Variants in ZNF611 observed in about 807,000 individuals in gnomAD.
ZNF611 encodes zinc finger protein 611.
ZNF611 carries 6 observed loss-of-function variants against 8.9 expected under a neutral mutation model. The observed-to-expected ratio is 0.68, with a 90% CI of 0.37 to 1.34. The LOEUF is 1.34. ZNF611 is among the 40% of genes most tolerant of loss of function. ZNF611 has a pLI of 0.02. For missense variants in ZNF611, 874 were observed against 841.3 expected (o/e 1.04, Z -0.48); for synonymous variants, 262 against 279.7 (o/e 0.94, Z 0.63).
intron 5 of ZNF611, 147 bp downstream of exon 5, chr19:52,713,868 G>C: frequency 1.4e-6 from 2 of 1,478,426 alleles, no homozygotes; most frequent in Non-Finnish European, 1.8e-6. Context: ...TCCAGCCTCG[G>C]CAATAGGAGC....
At chr19:52,731,827 C>A (rs1177643089) in intron 1 of ZNF611, among the ~76,000 whole-genome samples, 3 of 151,948 alleles carry the variant, frequency 2.0e-5, no homozygotes, top group Admixed American at 1.3e-4. Context: ...CAAAATTAGC[C>A]GAGCGTGGTG....
intron 5 of ZNF611, among the ~76,000 whole-genome samples, chr19:52,710,145 G>A (rs1045755511): frequency 1.3e-5 from 2 of 151,570 alleles, no homozygotes; most frequent in Non-Finnish European, 2.9e-5. Flanking sequence ...GCAGTGGCAC[G>A]ATTCTCCTAC....
chr19:52,715,133 G>C (rs1364687041), intron 4 of ZNF611, among the ~76,000 whole-genome samples: 1 of 152,186 alleles, frequency 6.6e-6, no homozygotes, highest in East Asian at 1.9e-4. Context: ...GTGCTTCAGA[G>C]AGGACAAAGT....
chr19:52,732,174 G>A (rs1396071102), intron 1 of ZNF611, among the ~76,000 whole-genome samples: 7 of 152,152 alleles, frequency 4.6e-5, no homozygotes, highest in African/African-American at 1.7e-4. Context: ...GGAGGCTGAG[G>A]CAGGAGAATG....
chr19:52,726,300 AGCGGCGGGAGAATC>A (rs1375811264), intron 3 of ZNF611, among the ~76,000 whole-genome samples: 1 of 152,234 alleles, frequency 6.6e-6, no homozygotes, highest in Non-Finnish European at 1.5e-5. Flanking sequence ...CTCAGGAAGC[AGCGGCGGGAGAATC>A]GCTGAACCTG....
At chr19:52,715,799 C>G (rs758743114) in intron 4 of ZNF611, 33 bp downstream of exon 4, 96 of 1,605,784 alleles carry the variant, frequency 6.0e-5, no homozygotes, top group South Asian at 8.8e-5. Flanking sequence ...AAACGAAAGA[C>G]ACAGATTAAT....
chr19:52,707,920 T>G (rs1043773577), intron 5 of ZNF611, among the ~76,000 whole-genome samples: 4 of 152,074 alleles, frequency 2.6e-5, no homozygotes, highest in African/African-American at 9.7e-5. Flanking sequence ...TGTGAGCCAC[T>G]GCACCTGGTG....
intron 5 of ZNF611, chr19:52,708,833 T>C (rs1321041672): frequency 1.3e-5 from 2 of 151,738 alleles, no homozygotes; most frequent in African/African-American, 4.8e-5. Flanking sequence ...CAAGACTCCG[T>C]CTCAAAAAAA....
chr19:52,734,191 T>C lies in ZNF611; in HGVS notation c.-222+810A>G, dbSNP rs1301801339. Among the ~76,000 whole-genome samples, 667 of 150,018 alleles carry C rather than the reference T, an allele frequency of 4.4e-3. 9 individuals carry two copies. The highest frequency in any genetic ancestry group is 0.014 in the African/African-American group (576 of 41,052). ...TTTCTCCTCCTGCTTTCTTAGGTTT[T>C]TTTTTTTTTTTTTCACTTCTGCCAT... is the stretch of plus-strand genomic sequence containing the variant. On this transcript the variant is annotated intron_variant, in intron 1 of 5. Transcript: ENST00000652185.
chr19:52,706,342 T>C lies in ZNF611; in HGVS notation c.713A>G (p.Lys238Arg). The C allele has an allele frequency of 6.2e-7, 1 of 1,614,228 alleles. No individual in the cohort carries two copies. The highest frequency in any genetic ancestry group is 1.1e-5 in the South Asian group (1 of 91,088). Residue 238 changes from lysine (K) to arginine (R), a missense_variant, in exon 6 of 6, where the codon AAA becomes AGA. Physicochemically the swap from Lys to Arg is conservative, Grantham distance 26. Transcript: ENST00000652185. ...EKSFQCNKSG[K>R]AFNCSSLLRK... Reference sequence around the variant, plus strand: ...TAAGAGTGAGCTACAATTAAAGGCTTTGCCACTCTTATTACATTGGAAAGA... The same window carrying C: ...TAAGAGTGAGCTACAATTAAAGGCTCTGCCACTCTTATTACATTGGAAAGA...
At position 52,706,556 on chromosome 19, in the gene ZNF611, G is replaced by C; in HGVS notation, c.499C>G (p.Leu167Val). Residue 167 changes from leucine (L) to valine (V), a missense_variant, in exon 6 of 6, where the codon CTC becomes GTC. Physicochemically the swap from Leu to Val is conservative, Grantham distance 32. Transcript: ENST00000652185. ...GSSFYSHLPE[L>V]HIFQIKGEIG... ...TCACCTTTGATCTGAAATATGTGGA[G>C]TTCAGGCAGATGTGAATAAAAGCTT... 4 of 1,614,158 alleles carry C rather than the reference G, an allele frequency of 2.5e-6. No homozygotes were observed. In the South Asian group the frequency reaches 4.4e-5, roughly 18 times the overall value.
chr19:52,727,361 A>C (rs145070803), intron 3 of ZNF611, among the ~76,000 whole-genome samples: 1 of 152,172 alleles, frequency 6.6e-6, no homozygotes, highest in South Asian at 2.1e-4. Context: ...AAAGAGAGAA[A>C]GAAACGTCAC....
At chr19:52,733,898 C>T (rs544593135) in intron 1 of ZNF611, among the ~76,000 whole-genome samples, 12 of 152,160 alleles carry the variant, frequency 7.9e-5, no homozygotes, top group African/African-American at 2.2e-4. Context: ...TGCGCCTCCT[C>T]TGCTCTCCCT....
At chr19:52,721,494 C>T (rs1191326709) in intron 3 of ZNF611, among the ~76,000 whole-genome samples, 1 of 152,234 alleles carries the variant, frequency 6.6e-6, no homozygotes, top group Non-Finnish European at 1.5e-5. Context: ...GCCCGGCCAA[C>T]ATGGCGAAAC....
At chr19:52,726,346 G>T (rs912746667) in intron 3 of ZNF611, among the ~76,000 whole-genome samples, 1 of 152,194 alleles carries the variant, frequency 6.6e-6, no homozygotes, top group Admixed American at 6.5e-5. Context: ...CAGCCTGGGC[G>T]ACAAAGTAAC....
rs1239397402 is a variant in ZNF611 at position 52,705,041 on chromosome 19, G to A, written c.2014C>T (p.His672Tyr). The A allele has an allele frequency of 6.2e-7, 1 of 1,613,860 alleles. No individual in the cohort carries two copies. The highest frequency in any genetic ancestry group is 8.5e-7 in the Non-Finnish European group (1 of 1,179,978). ...NSLLSRHTRI[H>Y]TAEKPYKCNE... ...CACTTGTAAGGTTTCTCTGCAGTGT[G>A]AATTCTGGTATGTCTTGACAGGAGT... Residue 672 changes from histidine to tyrosine, a missense_variant, in exon 6 of 6, where the codon CAC becomes TAC. Physicochemically the swap from His to Tyr is moderately conservative, Grantham distance 83. Coordinates refer to ENST00000652185, the MANE Select transcript of ZNF611 (RefSeq NM_001161499.2).
intron 2 of ZNF611, among the ~76,000 whole-genome samples, chr19:52,729,408 G>T (rs778045146): frequency 8.9e-5 from 13 of 146,134 alleles, no homozygotes; most frequent in African/African-American, 1.3e-4. Context: ...CACAAGGATC[G>T]CTTGAACCTG....
chr19:52,704,838 C>G lies in ZNF611; in HGVS notation c.*99G>C. On this transcript the variant is annotated 3_prime_UTR_variant, in exon 6 of 6. Coordinates refer to ENST00000652185, the MANE Select transcript of ZNF611 (RefSeq NM_001161499.2). Reference sequence around the variant, plus strand: ...GGTGTGAATCACTCCCAAGTCTTGTCAGAAACCTTACATTTGTAAGCTTTC... The same window carrying G: ...GGTGTGAATCACTCCCAAGTCTTGTGAGAAACCTTACATTTGTAAGCTTTC... 6.2e-7 allele frequency: 1 copy of G among 1,606,528 alleles called. No homozygotes were observed. Among genetic ancestry groups the G allele is most frequent in the Non-Finnish European group, 8.5e-7 (1 of 1,174,874 alleles).
chr19:52,730,038 A>T (rs2062415842), intron 1 of ZNF611, 33 bp from the exon 2 acceptor site: 1 of 152,116 alleles, frequency 6.6e-6, no homozygotes, highest in Admixed American at 6.6e-5. Flanking sequence ...GTACTGGGAA[A>T]ATTTATCAAC....
Sources: gnomAD v4.1 joint callset for allele counts (sites outside exome capture counted in the v4.1 genomes callset) on GRCh38, gnomAD v4.1.1 for gene constraint, MANE v1.5 for transcripts, NCBI Gene and HGNC (gene_info 2026-07-23, HGNC 2026-07-21) for gene names.